RBPMS: variants seen among roughly 807,000 people sequenced by gnomAD.
RBPMS encodes the protein RNA binding protein, mRNA processing factor.
A neutral mutation model predicts 26.8 loss-of-function variants in RBPMS; 7 were observed. That is an observed-to-expected ratio of 0.26 (90% CI 0.15 to 0.49). The LOEUF is 0.49. RBPMS is among the 20% of genes least tolerant of loss of function. The pLI is 0.98. For synonymous variants in RBPMS, 96 were observed against 93.3 expected (o/e 1.03, Z -0.17); for missense variants, 186 against 250.0 (o/e 0.74, Z 1.73).
chr8:30,395,461 C>CAAAAAAAAAAAAAAAAAAAAAAAA (rs55914538), intron 1 of RBPMS, among the ~76,000 whole-genome samples: 1 of 43,798 alleles, frequency 2.3e-5, no homozygotes, highest in Non-Finnish European at 3.4e-5. Flanking sequence ...GACTCTGTCT[C>CAAAAAAAAAAAAAAAAAAAAAAAA]AAAAAAAAAA....
intron 1 of RBPMS, among the ~76,000 whole-genome samples, chr8:30,415,461 C>T (rs1161451692): frequency 2.0e-5 from 3 of 152,198 alleles, no homozygotes; most frequent in Admixed American, 2.0e-4. Flanking sequence ...TGTCCACTTG[C>T]CAGATGGTCT....
intron 5 of RBPMS, among the ~76,000 whole-genome samples, chr8:30,520,267 C>A (rs1034981777): frequency 2.0e-5 from 3 of 152,192 alleles, no homozygotes; most frequent in African/African-American, 7.2e-5. Context: ...CTTTTCCTTT[C>A]AGTGCAAATT....
At chr8:30,564,226 T>G (rs1827726003) in intron 7 of RBPMS, 1 of 152,220 alleles carries the variant, frequency 6.6e-6, no homozygotes, top group Non-Finnish European at 1.5e-5. Context: ...TCAGAACACA[T>G]TCCACTTTAG....
At chr8:30,492,048 C>A (rs373130914) in intron 4 of RBPMS, among the ~76,000 whole-genome samples, 3 of 152,130 alleles carry the variant, frequency 2.0e-5, no homozygotes, top group East Asian at 3.9e-4. Flanking sequence ...TGCAGCACCA[C>A]GTCTGGCTAA....
intron 5 of RBPMS, among the ~76,000 whole-genome samples, chr8:30,520,564 G>T (rs1822923418): frequency 6.6e-6 from 1 of 152,164 alleles, no homozygotes; most frequent in Non-Finnish European, 1.5e-5. Context: ...GAATGATGGA[G>T]TCTCACTTCC....
intron 5 of RBPMS, 45 bp from the exon 6 acceptor site, chr8:30,544,449 A>G (rs1825695301): frequency 6.3e-7 from 1 of 1,583,270 alleles, no homozygotes; most frequent in Non-Finnish European, 8.7e-7. Context: ...ATTTGAAACT[A>G]GCTGTATGGT....
At chr8:30,504,017 A>G (rs565819017) in intron 4 of RBPMS, among the ~76,000 whole-genome samples, 2 of 152,354 alleles carry the variant, frequency 1.3e-5, no homozygotes, top group South Asian at 4.1e-4. Flanking sequence ...TGCTGGTTCA[A>G]ATTTTAAACT....
intron 5 of RBPMS, among the ~76,000 whole-genome samples, chr8:30,505,256 C>T (rs949471843): frequency 6.6e-6 from 1 of 152,158 alleles, no homozygotes; most frequent in African/African-American, 2.4e-5. Flanking sequence ...GACTTGGATT[C>T]CAAGTTATTT....
chr8:30,504,721 A>G (rs778581778), intron 5 of RBPMS, among the ~76,000 whole-genome samples: 7 of 152,228 alleles, frequency 4.6e-5, no homozygotes, highest in Non-Finnish European at 7.3e-5. Flanking sequence ...GTATGCCCCT[A>G]GTTGCCTTGG....
chr8:30,454,180 T>C (rs1814935154), intron 1 of RBPMS, among the ~76,000 whole-genome samples: 1 of 152,228 alleles, frequency 6.6e-6, no homozygotes, highest in African/African-American at 2.4e-5. Flanking sequence ...AGTTTAGTAT[T>C]GAAAACCAGA....
intron 4 of RBPMS, among the ~76,000 whole-genome samples, chr8:30,483,903 C>T (rs780059795): frequency 2.6e-4 from 40 of 152,182 alleles, no homozygotes; most frequent in Admixed American, 4.6e-4. Flanking sequence ...GATTCATCCA[C>T]GCTGTGGCAT....
At position 30,486,080 on chromosome 8, in the gene RBPMS, C is replaced by T. The variant is rs577205505; in HGVS notation, c.246+6703C>T. On this transcript the variant is annotated intron_variant, in intron 4 of 8. Coordinates refer to ENST00000397323, the MANE Select transcript of RBPMS (RefSeq NM_001008710.3). ...AAAAGCGCCTTGCCAGGAGCAGTGG[C>T]TCACGACTGTAAGCCCAGCACTTTG... is the stretch of plus-strand genomic sequence containing the variant. Among the ~76,000 whole-genome samples the T allele has an allele frequency of 1.4e-4, 21 of 152,270 alleles. No individual in the cohort carries two copies. The South Asian group carries it at 4.1e-3, about 30-fold the overall frequency.
chr8:30,538,726 G>A (rs1315330149), intron 5 of RBPMS, among the ~76,000 whole-genome samples: 1 of 152,180 alleles, frequency 6.6e-6, no homozygotes, highest in African/African-American at 2.4e-5. Flanking sequence ...AAATCACGGT[G>A]TCAGCAGTGT....
intron 7 of RBPMS, among the ~76,000 whole-genome samples, chr8:30,559,794 G>C (rs1827293802): frequency 6.6e-6 from 1 of 152,212 alleles, no homozygotes; most frequent in Non-Finnish European, 1.5e-5. Context: ...CATGCTGTTA[G>C]AAATGCTAAA....
intron 1 of RBPMS, among the ~76,000 whole-genome samples, chr8:30,454,407 TA>T (rs1446745629): frequency 6.6e-6 from 1 of 152,144 alleles, no homozygotes; most frequent in South Asian, 2.1e-4. Context: ...TGAAGTACAT[TA>T]GGGGTATATG....
chr8:30,411,985 C>CAAAA (rs11367222), intron 1 of RBPMS, among the ~76,000 whole-genome samples: 1 of 120,970 alleles, frequency 8.3e-6, no homozygotes, highest in Non-Finnish European at 1.8e-5. Context: ...GACTTCGTCT[C>CAAAA]AAAAAAAAAA....
At chr8:30,412,174 C>T (rs996149885) in intron 1 of RBPMS, among the ~76,000 whole-genome samples, 1 of 152,212 alleles carries the variant, frequency 6.6e-6, no homozygotes, top group Non-Finnish European at 1.5e-5. Flanking sequence ...AATTAGGCAT[C>T]TTTCTTCCCC....
chr8:30,384,976 C>A lies in RBPMS; in HGVS notation c.-117C>A, dbSNP rs1031154030. On this transcript the variant is annotated 5_prime_UTR_variant, in exon 1 of 9. Transcript: ENST00000397323. This position sits in a 1 kb window ranked among gnomAD's most constrained non-coding sequence, Gnocchi z 5.6. Reference sequence around the variant, plus strand: ...CCCGGCTCCAGCTCCAGCCCCACAGCCCGCGGCGCCCGCCCGAGGGAGCCC... The same window carrying A: ...CCCGGCTCCAGCTCCAGCCCCACAGACCGCGGCGCCCGCCCGAGGGAGCCC... The A allele has an allele frequency of 1.5e-6, 1 of 654,118 alleles. No individual in the cohort carries two copies. Among genetic ancestry groups the A allele is most frequent in the Admixed American group, 4.5e-5 (1 of 22,212 alleles). 40.5% of individuals were successfully genotyped at this position (654,118 alleles called of 1,614,324 possible).
intron 1 of RBPMS, among the ~76,000 whole-genome samples, chr8:30,421,364 G>A (rs1448489763): frequency 8.5e-5 from 13 of 152,112 alleles, no homozygotes; most frequent in Non-Finnish European, 1.0e-4. Context: ...ACAGGCAAAT[G>A]TGCAGCAATC....
Sources: gnomAD v4.1 joint callset for allele counts (sites outside exome capture counted in the v4.1 genomes callset) on GRCh38, gnomAD v4.1.1 for gene constraint, Gnocchi (gnomAD v3.1) non-coding constraint, MANE v1.5 for transcripts, NCBI Gene and HGNC (gene_info 2026-07-23, HGNC 2026-07-21) for gene names.